The following KDM2B variants were observed in gnomAD, a reference collection of about 807,000 sequenced individuals.
KDM2B encodes lysine-specific demethylase 2B.
A neutral mutation model predicts 150.0 loss-of-function variants in KDM2B; 26 were observed. The observed-to-expected ratio is 0.17, with a 90% CI of 0.13 to 0.24. The LOEUF is 0.24. KDM2B is among the 10% of genes least tolerant of loss of function. KDM2B has a pLI of 1.00. For missense variants in KDM2B, 1,265 were observed against 1,816.9 expected (o/e 0.70, Z 5.52); for synonymous variants, 734 against 729.5 (o/e 1.01, Z -0.10).
intron 13 of KDM2B, among the ~76,000 whole-genome samples, chr12:121,451,204 G>A (rs1877212543): frequency 6.6e-6 from 1 of 152,106 alleles, no homozygotes; most frequent in South Asian, 2.1e-4. Context: ...TGAAGATGAT[G>A]AGCATGAAGA....
rs1340170491 is a variant in KDM2B, at chr12:121,453,375, G to C, written c.1735-31C>G. On this transcript the variant is annotated intron_variant, in intron 12 of 22. Coordinates refer to ENST00000377071, the MANE Select transcript of KDM2B (RefSeq NM_032590.5). This position sits in a 1 kb window ranked among gnomAD's most constrained non-coding sequence, Gnocchi z 6.4. ...GGGGAACAGACACGACTGGTCAGAT[G>C]GGGAGACTGCAGGCACGGCCAGACC... 6.6e-7 allele frequency: 1 copy of C among 1,515,594 alleles called. No homozygotes were observed. The highest frequency in any genetic ancestry group is 2.0e-5 in the Admixed American group (1 of 49,710). 93.9% of individuals were successfully genotyped at this position (1,515,594 alleles called of 1,614,324 possible).
rs190783353 is a variant in KDM2B, at chr12:121,553,518, G to A, written c.398-3880C>T. On this transcript the variant is annotated intron_variant, in intron 4 of 22. Coordinates refer to ENST00000377071, the MANE Select transcript of KDM2B (RefSeq NM_032590.5). ...CAGCGGAGCCTCCAGCCTGTGCCTC[G>A]GGCTCTTGGCTTCTCTGGGAATCAG... is the stretch of plus-strand genomic sequence containing the variant. Among the ~76,000 whole-genome samples the A allele has an allele frequency of 7.9e-5, 12 of 152,200 alleles. No individual in the cohort carries two copies. The East Asian group carries it at 1.7e-3, about 22-fold the overall frequency.
chr12:121,446,395 C>CA (rs1175615915), intron 13 of KDM2B, among the ~76,000 whole-genome samples: 8 of 151,474 alleles, frequency 5.3e-5, no homozygotes, highest in Non-Finnish European at 1.2e-4. Context: ...GAGACTCCGT[C>CA]AAAAAAAAGA....
rs1566302434 is a variant in KDM2B at position 121,467,256 on chromosome 12, CG to C, written c.1735-13913del. The C allele has an allele frequency of 1.0e-6, 1 of 987,554 alleles. No homozygotes were observed. The highest frequency in any genetic ancestry group is 1.2e-6 in the Non-Finnish European group (1 of 832,760). The allele number at this position is 987,554 out of a possible 1,614,324, so 61.2% of individuals were successfully genotyped here. On this transcript the variant is annotated intron_variant, in intron 12 of 22. Transcript: ENST00000377071. The surrounding 1 kb of genome is among the most constrained non-coding windows in gnomAD (Gnocchi z 5.1). The stretch of plus-strand genomic sequence containing the variant: ...CTCGCGCGCGCTGACATGGCTGGAG[CG>C]GCGCCGCCGCCGCCGCCCGCCCGGA...
At chr12:121,423,556 G>A in the KDM2B span, 3 of 1,613,548 alleles carry the variant, frequency 1.9e-6, no homozygotes, top group Admixed American at 1.7e-5. This position sits in a 1 kb window ranked among gnomAD's most constrained non-coding sequence, Gnocchi z 4.3. Context: ...GGTGCGAGCC[G>A]TGCACGTGTT....
chr12:121,464,654 C>T (rs1263173956), intron 12 of KDM2B, among the ~76,000 whole-genome samples: 1 of 152,240 alleles, frequency 6.6e-6, no homozygotes, highest in African/African-American at 2.4e-5. Flanking sequence ...AGCAGCCTCC[C>T]ACCAGGGCCT....
At chr12:121,483,581 A>G (rs1882394712) in intron 12 of KDM2B, among the ~76,000 whole-genome samples, 1 of 151,240 alleles carries the variant, frequency 6.6e-6, no homozygotes, top group South Asian at 2.1e-4. Context: ...GGAGGTTGAC[A>G]TGTGAGGATC....
At chr12:121,489,940 G>A (rs1555299619) in intron 12 of KDM2B, among the ~76,000 whole-genome samples, 2 of 152,132 alleles carry the variant, frequency 1.3e-5, no homozygotes, top group African/African-American at 4.8e-5. Context: ...GGCAATACAC[G>A]ACAGCCATTA....
rs372484530 is a variant in KDM2B at position 121,521,057 on chromosome 12, G to A, written c.975C>T (p.Phe325=). The change falls in exon 9 of 23, where the codon TTC becomes TTT. Residue 325 remains phenylalanine (F), a synonymous_variant. Coordinates refer to ENST00000377071, the MANE Select transcript of KDM2B (RefSeq NM_032590.5). The surrounding 1 kb of genome is among the most constrained non-coding windows in gnomAD (Gnocchi z 4.9). ...TAAAGCTGTGCAGGATGTTTCCGCC[G>A]AACACCAAAGAGTCTACAGGGGTGT... ...AVYTPVDSLV[F]GGNILHSFNV... 188 of 1,613,946 alleles carry A rather than the reference G, an allele frequency of 1.2e-4. No individual in the cohort carries two copies. The highest frequency in any genetic ancestry group is 1.9e-4 in the African/African-American group (14 of 75,024).
Position 121,445,308 on chromosome 12 carries a change from G to T in KDM2B, c.2070C>A (p.Ile690=). 2 of 1,614,100 alleles carry T rather than the reference G, an allele frequency of 1.2e-6. No individual in the cohort carries two copies. Among genetic ancestry groups the T allele is most frequent in the Non-Finnish European group, 1.7e-6 (2 of 1,180,004 alleles). The part of the protein sequence containing the change: ...KFNLMLMECS[I]CNEIIHPGCL... ...ATCCAGGGTGGATGATTTCATTGCAGATGGAGCACTCCATGAGCATGAGGT... is the reference window on the plus strand; with the variant it reads ...ATCCAGGGTGGATGATTTCATTGCATATGGAGCACTCCATGAGCATGAGGT... Residue 690 remains isoleucine, a synonymous_variant, in exon 14 of 23, where the codon ATC becomes ATA. Transcript: ENST00000377071.
At chr12:121,415,485 G>A in the KDM2B span, among the ~76,000 whole-genome samples, 1 of 152,016 alleles carries the variant, frequency 6.6e-6, no homozygotes, top group South Asian at 2.1e-4. Flanking sequence ...AGTGTGTGGC[G>A]TGTGCCTGTA....
At chr12:121,529,698 G>A (rs1046705430) in intron 8 of KDM2B, among the ~76,000 whole-genome samples, 2 of 152,012 alleles carry the variant, frequency 1.3e-5, no homozygotes, top group Admixed American at 1.3e-4. Flanking sequence ...GGGAGGCCGA[G>A]GCGGGTGGAT....
At chr12:121,483,337 G>A (rs1394924976) in intron 12 of KDM2B, among the ~76,000 whole-genome samples, 2 of 151,788 alleles carry the variant, frequency 1.3e-5, no homozygotes, top group East Asian at 1.9e-4. Flanking sequence ...TGGAGGCTCC[G>A]TTCACATATG....
At chr12:121,424,946 A>G (rs557435641), downstream of KDM2B, among the ~76,000 whole-genome samples, 1 of 152,272 alleles carries the variant, frequency 6.6e-6, no homozygotes, top group South Asian at 2.1e-4. Flanking sequence ...ATGGTTAAAA[A>G]GTGGCTATGC....
chr12:121,416,356 A>G, the KDM2B span: 11 of 1,612,472 alleles, frequency 6.8e-6, no homozygotes, highest in Admixed American at 1.7e-5. Flanking sequence ...GTGGGCTTTC[A>G]TTTTCAGTCT....
upstream of KDM2B, chr12:121,581,226 T>A (rs1327464707): frequency 3.6e-6 from 1 of 281,178 alleles, no homozygotes; most frequent in African/African-American, 2.2e-5. Flanking sequence ...GAGAATTGGA[T>A]CTGGCGCCTC....
chr12:121,477,712 G>A lies in KDM2B; in HGVS notation c.1734+16867C>T, dbSNP rs1003475589. On this transcript the variant is annotated intron_variant, in intron 12 of 22. Transcript: ENST00000377071. The stretch of plus-strand genomic sequence containing the variant: ...TGTGCCTCAGCCTCCAGAGTAGCTG[G>A]GATTATAGGTGTCTGCCACCACACC... Among the ~76,000 whole-genome samples, 3 of 151,452 alleles carry A rather than the reference G, an allele frequency of 2.0e-5. No homozygotes were observed. In the South Asian group the frequency reaches 6.3e-4, roughly 32 times the overall value.
At chr12:121,500,477 G>T (rs1261239478) in intron 11 of KDM2B, among the ~76,000 whole-genome samples, 6 of 152,232 alleles carry the variant, frequency 3.9e-5, no homozygotes, top group Admixed American at 3.9e-4. Flanking sequence ...CTCTCAAAGA[G>T]ATAATTAGTT....
intron 11 of KDM2B, among the ~76,000 whole-genome samples, chr12:121,503,447 C>T (rs2140640902): frequency 6.6e-6 from 1 of 152,030 alleles, no homozygotes; most frequent in Non-Finnish European, 1.5e-5. Context: ...CATGCCACTA[C>T]TCCTGGCTAA....
Sources: allele counts gnomAD v4.1 joint callset (sites outside exome capture counted in the v4.1 genomes callset), GRCh38; gene constraint gnomAD v4.1.1; non-coding constraint Gnocchi (gnomAD v3.1); transcripts MANE v1.5; gene names NCBI Gene and HGNC (gene_info 2026-07-23, HGNC 2026-07-21).